The following MYO1D variants were observed in gnomAD, a reference collection of about 807,000 sequenced individuals.
MYO1D encodes the protein myosin ID, also known as unconventional myosin-Id.
MYO1D carries 83 observed loss-of-function variants against 122.0 expected under a neutral mutation model. The ratio of observed to expected loss-of-function variants is 0.68; its 90% CI spans 0.57 to 0.82. The LOEUF is 0.82. Among genes scored for constraint, MYO1D ranks in the 40% least tolerant of loss-of-function variants. MYO1D has a pLI of 0.00. For synonymous variants in MYO1D, 464 were observed against 446.9 expected (o/e 1.04, Z -0.48); for missense variants, 1,157 against 1,269.5 (o/e 0.91, Z 1.35).
rs571912811 is a variant in MYO1D at position 32,869,931 on chromosome 17, T to TA, written c.95+6846dup. The stretch of plus-strand genomic sequence containing the variant: ...CTGGGTGACAGAGTGAGACCTCGTC[T>TA]AAAAAAAAGAAAAAAGAAAAGTAGA... On this transcript the variant is annotated intron_variant, in intron 1 of 21. Coordinates refer to ENST00000318217, the MANE Select transcript of MYO1D (RefSeq NM_015194.3). 2.0e-3 allele frequency among the ~76,000 whole-genome samples: 309 copies of TA among 151,512 alleles called. 1 individual carries two copies. The highest frequency in any genetic ancestry group is 3.6e-3 in the Non-Finnish European group (242 of 67,866).
intron 20 of MYO1D, among the ~76,000 whole-genome samples, chr17:32,615,099 T>A (rs1340428331): frequency 6.6e-6 from 1 of 152,140 alleles, no homozygotes; most frequent in Non-Finnish European, 1.5e-5. Context: ...TTCCACTAAG[T>A]CTGGGGTGGA....
At chr17:32,870,951 A>G (rs187965672) in intron 1 of MYO1D, among the ~76,000 whole-genome samples, 1 of 152,342 alleles carries the variant, frequency 6.6e-6, no homozygotes, top group Non-Finnish European at 1.5e-5. Flanking sequence ...GAGGAATATG[A>G]ATATGATAAA....
Position 32,494,261 on chromosome 17 carries a change from T to C in MYO1D, c.*498A>G. ...GTGGCTTTGGCTGGCGGCTGGGAGT[T>C]GGGTTGGGGTGGGTCCGCCGAACTC... is the stretch of plus-strand genomic sequence containing the variant. On this transcript the variant is annotated 3_prime_UTR_variant, in exon 22 of 22. Transcript: ENST00000318217. The C allele has an allele frequency of 6.5e-6, 1 of 154,012 alleles. No homozygotes were observed. The highest frequency in any genetic ancestry group is 1.4e-5 in the Non-Finnish European group (1 of 69,214). 9.5% of individuals were successfully genotyped at this position (154,012 alleles called of 1,614,324 possible).
At chr17:32,843,038 G>A (rs567046760) in intron 1 of MYO1D, among the ~76,000 whole-genome samples, 6 of 151,816 alleles carry the variant, frequency 4.0e-5, no homozygotes, top group East Asian at 3.9e-4. Context: ...ACAGGCACCC[G>A]CCACCATGGG....
chr17:32,492,781 CG>C lies in MYO1D; in HGVS notation c.*1977del, dbSNP rs1385526240. On this transcript the variant is annotated 3_prime_UTR_variant, in exon 22 of 22. Coordinates refer to ENST00000318217, the MANE Select transcript of MYO1D (RefSeq NM_015194.3). ...GCCCGCTTCCTTTCCCCTCAGCGCC[CG>C]GGACACGTGACCGAGATCATACCCT... The C allele has an allele frequency of 6.6e-6, 1 of 152,494 alleles. No individual in the cohort carries two copies. Among genetic ancestry groups the C allele is most frequent in the Non-Finnish European group, 1.5e-5 (1 of 68,014 alleles). The allele number at this position is 152,494 out of a possible 1,614,324, so 9.4% of individuals were successfully genotyped here. A position where few individuals can be genotyped will look rare whatever the true frequency, so the allele number is the denominator to read the frequency against.
intron 1 of MYO1D, among the ~76,000 whole-genome samples, chr17:32,847,278 C>A (rs1235981693): frequency 6.6e-6 from 1 of 152,148 alleles, no homozygotes; most frequent in Non-Finnish European, 1.5e-5. Context: ...TTCAATGGAA[C>A]AAACATGGTG....
At chr17:32,666,821 C>T (rs531444010) in intron 16 of MYO1D, among the ~76,000 whole-genome samples, 1 of 152,356 alleles carries the variant, frequency 6.6e-6, no homozygotes, top group African/African-American at 2.4e-5. Flanking sequence ...ATTAGACATT[C>T]TCTTGGTTTC....
chr17:32,681,417 C>T (rs918185928), intron 16 of MYO1D, among the ~76,000 whole-genome samples: 1 of 143,656 alleles, frequency 7.0e-6, no homozygotes, highest in African/African-American at 2.6e-5. Flanking sequence ...CTACACACTG[C>T]TTTGAATGCA....
chr17:32,560,089 C>G (rs1348242502), intron 21 of MYO1D, among the ~76,000 whole-genome samples: 1 of 152,076 alleles, frequency 6.6e-6, no homozygotes, highest in Non-Finnish European at 1.5e-5. Flanking sequence ...ACCCCCATCT[C>G]TACTAAAAAT....
At position 32,819,056 on chromosome 17, in the gene MYO1D, G is replaced by A. The variant is rs753820322; in HGVS notation, c.96-38272C>T. Among the ~76,000 whole-genome samples the A allele has an allele frequency of 5.3e-4, 81 of 152,178 alleles. 1 individual carries two copies. Among genetic ancestry groups the A allele is most frequent in the Non-Finnish European group, 9.6e-4 (65 of 68,040 alleles). The stretch of plus-strand genomic sequence containing the variant: ...TCTACAAAAAAGGAAGTTAGCAGCC[G>A]CTGAAAAGTAACTACAGATGGCTAT... On this transcript the variant is annotated intron_variant, in intron 1 of 21. Coordinates refer to ENST00000318217, the MANE Select transcript of MYO1D (RefSeq NM_015194.3).
chr17:32,873,746 T>C (rs1248561478), intron 1 of MYO1D, among the ~76,000 whole-genome samples: 2 of 152,164 alleles, frequency 1.3e-5, no homozygotes, highest in Non-Finnish European at 2.9e-5. Context: ...TCATGAACAA[T>C]CACTGATCTG....
chr17:32,780,779 T>A lies in MYO1D; in HGVS notation c.101A>T (p.Glu34Val), dbSNP rs1357886655. The A allele has an allele frequency of 6.2e-7, 1 of 1,614,128 alleles. No individual in the cohort carries two copies. The highest frequency in any genetic ancestry group is 8.5e-7 in the Non-Finnish European group (1 of 1,179,998). ...AATGAACGTATAGATGCGCCCTTTT[T>A]CAAATCTGTACAGAAGCAAAAGAAA... is the stretch of plus-strand genomic sequence containing the variant. ...EFMANLRLRFEKGRIYTFIGE... is the reference protein window; with the variant it reads ...EFMANLRLRFVKGRIYTFIGE... The change falls in exon 2 of 22, where the codon GAA becomes GTA. Residue 34 changes from glutamate (E) to valine (V), a missense_variant. Transcript: ENST00000318217.
At chr17:32,870,395 G>A (rs1299467530) in intron 1 of MYO1D, among the ~76,000 whole-genome samples, 2 of 152,036 alleles carry the variant, frequency 1.3e-5, no homozygotes, top group African/African-American at 4.8e-5. Context: ...GGGTATCTAT[G>A]GGTTTTTTTC....
At chr17:32,642,491 G>T (rs531403347) in intron 19 of MYO1D, among the ~76,000 whole-genome samples, 7 of 152,276 alleles carry the variant, frequency 4.6e-5, no homozygotes, top group African/African-American at 1.2e-4. Flanking sequence ...GCTTGATGGG[G>T]ATGGCACTGA....
At chr17:32,665,206 G>T (rs1031243619) in intron 16 of MYO1D, among the ~76,000 whole-genome samples, 1 of 135,430 alleles carries the variant, frequency 7.4e-6, no homozygotes, top group South Asian at 2.6e-4. Context: ...CCACCTCCCC[G>T]CCCCCCGACC....
At position 32,756,224 on chromosome 17, in the gene MYO1D, G is replaced by C. The variant is rs139316416; in HGVS notation, c.1297-562C>G. On this transcript the variant is annotated intron_variant, in intron 10 of 21. Coordinates refer to ENST00000318217, the MANE Select transcript of MYO1D (RefSeq NM_015194.3). The stretch of plus-strand genomic sequence containing the variant: ...TCGTTTACCTTTAAATACTGTTAAT[G>C]TGTCACGCATGCAGATGGAAGGGGT... The C allele has an allele frequency of 4.1e-4, 93 of 228,122 alleles. 1 individual carries two copies. The highest frequency in any genetic ancestry group is 1.9e-3 in the African/African-American group (86 of 45,140). 14.1% of individuals were successfully genotyped at this position (228,122 alleles called of 1,614,324 possible). A position where few individuals can be genotyped will look rare whatever the true frequency, so the allele number is the denominator to read the frequency against.
chr17:32,626,634 G>T (rs1437806054), intron 20 of MYO1D, among the ~76,000 whole-genome samples: 5 of 152,136 alleles, frequency 3.3e-5, no homozygotes, highest in Admixed American at 6.5e-5. Flanking sequence ...TTTTGCACAT[G>T]TAAGGAAAAA....
intron 14 of MYO1D, among the ~76,000 whole-genome samples, chr17:32,722,882 A>T (rs1474813569): frequency 6.6e-6 from 1 of 152,172 alleles, no homozygotes; most frequent in African/African-American, 2.4e-5. Flanking sequence ...GCATCTAGAT[A>T]GCTTCAGGAT....
At chr17:32,755,951 C>T (rs916191992) in intron 10 of MYO1D, among the ~76,000 whole-genome samples, 7 of 152,088 alleles carry the variant, frequency 4.6e-5, no homozygotes, top group Non-Finnish European at 1.0e-4. Flanking sequence ...CATTTTAATC[C>T]TGCCTCCAGA....
Sources: gnomAD v4.1 joint callset for allele counts (sites outside exome capture counted in the v4.1 genomes callset) on GRCh38, gnomAD v4.1.1 for gene constraint, MANE v1.5 for transcripts, NCBI Gene and HGNC (gene_info 2026-07-23, HGNC 2026-07-21) for gene names.